The following KRT83 variants were observed in gnomAD, a reference collection of about 807,000 sequenced individuals.
KRT83 encodes keratin 83.
A neutral mutation model predicts 52.9 loss-of-function variants in KRT83; 51 were observed. The ratio of observed to expected loss-of-function variants is 0.96; its 90% CI spans 0.77 to 1.22. The LOEUF is 1.22. KRT83 is among the 50% of genes most tolerant of loss of function. The pLI, the probability that KRT83 is intolerant of heterozygous loss-of-function variation, is 0.00. For synonymous variants in KRT83, 278 were observed against 274.1 expected (o/e 1.01, Z -0.14); for missense variants, 654 against 666.5 (o/e 0.98, Z 0.21).
At position 52,314,457 on chromosome 12, in the gene KRT83, G is replaced by A. The variant is rs2852456; in HGVS notation, c.*174C>T. 0.66 allele frequency: 456,258 copies of A among 687,802 alleles called. 152,949 individuals carry two copies. Among genetic ancestry groups the A allele is most frequent in the African/African-American group, 0.85 (48,476 of 56,916 alleles). The allele number at this position is 687,802 out of a possible 1,614,324, so 42.6% of individuals were successfully genotyped here. A position where few individuals can be genotyped will look rare whatever the true frequency, so the allele number is the denominator to read the frequency against. The stretch of plus-strand genomic sequence containing the variant: ...GAATGGGTCTATTCCCCAGCCACAG[G>A]CCCCTTTCCAGTGGGATGAAAGGTG... On this transcript the variant is annotated 3_prime_UTR_variant, in exon 9 of 9. Transcript: ENST00000293670.
Position 52,321,010 on chromosome 12 carries a change from T to C in KRT83, c.326A>G (p.Gln109Arg). ...GGACTTGATCTGCTCCTTCTCCTCC[T>C]GCTTCACGCACTGCGCGTTGGGGTC... Reference protein sequence around the residue: ...EIDPNAQCVKQEEKEQIKSLN... With the variant: ...EIDPNAQCVKREEKEQIKSLN... Residue 109 changes from glutamine (Q) to arginine (R), a missense_variant, in exon 1 of 9, where the codon CAG becomes CGG. Transcript: ENST00000293670. 2 of 1,613,532 alleles carry C rather than the reference T, an allele frequency of 1.2e-6. No homozygotes were observed. Among genetic ancestry groups the C allele is most frequent in the Non-Finnish European group, 1.7e-6 (2 of 1,179,872 alleles).
chr12:52,316,719 C>A, intron 5 of KRT83, 126 bp from the exon 6 acceptor site: 34 of 1,589,896 alleles, frequency 2.1e-5, no homozygotes, highest in Non-Finnish European at 2.8e-5. Context: ...TCCTGCCCTG[C>A]CACCCCAACA....
At position 52,316,900 on chromosome 12, in the gene KRT83, TG is replaced by T; in HGVS notation, c.873del (p.Thr292ProfsTer18). Reference sequence around the variant, plus strand: ...GACTCGGCCTCAGCCCGGCTACGGGTGGCAATGTCATCATACTGTGCCTTGA... The same window carrying T: ...GACTCGGCCTCAGCCCGGCTACGGGTGCAATGTCATCATACTGTGCCTTGA... ...AEIKAQYDDIATRSRAEAESW... is the reference protein window; with the variant it reads ...AEIKAQYDDIXTRSRAEAESW... On this transcript the variant is annotated frameshift_variant, in exon 5 of 9. Coordinates refer to ENST00000293670, the MANE Select transcript of KRT83 (RefSeq NM_002282.3). LOFTEE classifies it high-confidence loss of function. 1 of 1,614,164 alleles carries T rather than the reference TG, an allele frequency of 6.2e-7. No homozygotes were observed. Among genetic ancestry groups the T allele is most frequent in the South Asian group, 1.1e-5 (1 of 91,080 alleles).
intron 5 of KRT83, 41 bp from the exon 6 acceptor site, chr12:52,316,634 A>G: frequency 6.2e-7 from 1 of 1,614,112 alleles, no homozygotes; most frequent in Non-Finnish European, 8.5e-7. Context: ...AGGATGAGAC[A>G]TCCCATTCAT....
intron 3 of KRT83, 55 bp from the exon 4 acceptor site, chr12:52,317,831 C>T: frequency 6.2e-7 from 1 of 1,611,806 alleles, no homozygotes; most frequent in Admixed American, 1.7e-5. Context: ...GCTCTGAGGA[C>T]CTGGCTGCCA....
intron 3 of KRT83, 29 bp from the exon 4 acceptor site, chr12:52,317,805 CG>C: frequency 6.2e-7 from 1 of 1,613,288 alleles, no homozygotes. Context: ...GCTGTGAGGC[CG>C]GCTTTCCTCA....
intron 5 of KRT83, 86 bp from the exon 6 acceptor site, chr12:52,316,679 G>A (rs1431420600): frequency 1.2e-5 from 20 of 1,602,356 alleles, no homozygotes; most frequent in Non-Finnish European, 1.7e-5. Context: ...AGATTGTGCA[G>A]TGCTCGGCCT....
Position 52,314,651 on chromosome 12 carries a change from A to G in KRT83, c.1462T>C (p.Cys488Arg), listed in dbSNP as rs1938658030. ...QLNTTCGGGS[C>R]GQGRH is the part of the protein sequence containing the mutation. The stretch of plus-strand genomic sequence containing the variant: ...GCCACTTAATGCCTCCCCTGGCCGC[A>G]GGAGCCCCCTCCACAGGTGGTGTTC... The change falls in exon 9 of 9, where the codon TGC (cysteine) becomes CGC (arginine). Residue 488 changes from cysteine to arginine, a missense_variant. Coordinates refer to ENST00000293670, the MANE Select transcript of KRT83 (RefSeq NM_002282.3). The G allele has an allele frequency of 3.2e-6, 5 of 1,572,684 alleles. No homozygotes were observed. Among genetic ancestry groups the G allele is most frequent in the Non-Finnish European group, 4.3e-6 (5 of 1,159,088 alleles).
Position 52,314,715 on chromosome 12 carries a change from C to G in KRT83, c.1398G>C (p.Leu466=). Residue 466 remains leucine (L), a synonymous_variant, in exon 9 of 9, where the codon CTG becomes CTC. Coordinates refer to ENST00000293670, the MANE Select transcript of KRT83 (RefSeq NM_002282.3). ...GCTTGCACAAACCAGTGCTCACCAC[C>G]AGGTTCCCGTTGCAGGGGGCACTGC... ...SVCSAPCNGN[L]VVSTGLCKPC... 2 of 1,587,458 alleles carry G rather than the reference C, an allele frequency of 1.3e-6. No individual in the cohort carries two copies. The highest frequency in any genetic ancestry group is 1.7e-6 in the Non-Finnish European group (2 of 1,167,090).
rs752994861 is a variant in KRT83, at chr12:52,321,081, G to A, written c.255C>T (p.Thr85=). ...VCGPSPPCIT[T]VSVNESLLTP... is the part of the protein sequence containing the mutation. ...TGAGGAGGCTCTCGTTGACCGACAC[G>A]GTGGTGATGCATGGGGGGCTGGGTC... Residue 85 remains threonine (T), a synonymous_variant, in exon 1 of 9, where the codon ACC becomes ACT. Transcript: ENST00000293670. 5 of 1,612,236 alleles carry A rather than the reference G, an allele frequency of 3.1e-6. No homozygotes were observed. The Admixed American group carries it at 5.0e-5, about 16-fold the overall frequency.
In KRT83 at chr12:52,316,917, T is replaced by C. The variant is rs1484171476; in HGVS notation, c.857A>G (p.Gln286Arg). ...MDCIVAEIKA[Q>R]YDDIATRSRA... ...GCTACGGGTGGCAATGTCATCATAC[T>C]GTGCCTTGATCTCGGCAACGATGCA... The change falls in exon 5 of 9, where the codon CAG (glutamine) becomes CGG (arginine). Residue 286 changes from glutamine to arginine, a missense_variant. Physicochemically the swap from Gln to Arg is conservative, Grantham distance 43 (BLOSUM62 1). Coordinates refer to ENST00000293670, the MANE Select transcript of KRT83 (RefSeq NM_002282.3). The C allele has an allele frequency of 6.2e-7, 1 of 1,614,228 alleles. No individual in the cohort carries two copies. The highest frequency in any genetic ancestry group is 8.5e-7 in the Non-Finnish European group (1 of 1,180,038).
At chr12:52,319,674 C>T (rs910488056) in intron 1 of KRT83, among the ~76,000 whole-genome samples, 1 of 152,112 alleles carries the variant, frequency 6.6e-6, no homozygotes, top group Admixed American at 6.5e-5. Context: ...TGTAGAGTGG[C>T]GAGGTTAAAG....
chr12:52,321,273 A>G lies in KRT83; in HGVS notation c.63T>C (p.Ser21=). ...AGCGGCTTGGCCGGGGCCCGCAGGC[A>G]GAGACACAGCTGAAGTTTCCAGGGC... ...GFRPGNFSCV[S]ACGPRPSRCC... The change falls in exon 1 of 9, where the codon TCT becomes TCC. Residue 21 remains serine (S), a synonymous_variant. Coordinates refer to ENST00000293670, the MANE Select transcript of KRT83 (RefSeq NM_002282.3). The G allele has an allele frequency of 1.9e-6, 3 of 1,613,598 alleles. No individual in the cohort carries two copies. The highest frequency in any genetic ancestry group is 2.2e-5 in the East Asian group (1 of 44,882).
Position 52,321,299 on chromosome 12 carries a change from G to A in KRT83, c.37C>T (p.Arg13Cys), listed in dbSNP as rs749987201. The A allele has an allele frequency of 1.2e-6, 2 of 1,613,658 alleles. No individual in the cohort carries two copies. The highest frequency in any genetic ancestry group is 2.2e-5 in the East Asian group (1 of 44,884). ...CGFNSIGCGF[R>C]PGNFSCVSAC... ...GAGACACAGCTGAAGTTTCCAGGGC[G>A]GAACCCACAGCCTATGGAGTTGAAG... is the stretch of plus-strand genomic sequence containing the variant. The change falls in exon 1 of 9, where the codon CGC becomes TGC. Residue 13 changes from arginine to cysteine, a missense_variant. Arg to Cys is a radical substitution (Grantham distance 180). Transcript: ENST00000293670.
chr12:52,321,232 G>T lies in KRT83; in HGVS notation c.104C>A (p.Ala35Asp), dbSNP rs1025233131. Residue 35 changes from alanine (A) to aspartate (D), a missense_variant, in exon 1 of 9, where the codon GCC becomes GAC. Ala to Asp is a moderately radical substitution (Grantham distance 126). Transcript: ENST00000293670. ...GTAGCAGGAGATGCCGCGGTAGGGGGCGGCGGTGATGCAGCAGCGGCTTGG... is the reference window on the plus strand; with the variant it reads ...GTAGCAGGAGATGCCGCGGTAGGGGTCGGCGGTGATGCAGCAGCGGCTTGG... ...PRPSRCCITA[A>D]PYRGISCYRG... 3.1e-6 allele frequency: 5 copies of T among 1,613,464 alleles called. No individual in the cohort carries two copies. In the African/African-American group the frequency reaches 6.7e-5, roughly 22 times the overall value.
chr12:52,321,068 C>G lies in KRT83; in HGVS notation c.268G>C (p.Glu90Gln), dbSNP rs374309148. The G allele has an allele frequency of 5.0e-6, 8 of 1,612,444 alleles. No homozygotes were observed. The highest frequency in any genetic ancestry group is 1.7e-5 in the Admixed American group (1 of 60,028). ...PPCITTVSVN[E>Q]SLLTPLNLEI... ...AGGTTGAGGGGCGTGAGGAGGCTCTCGTTGACCGACACGGTGGTGATGCAT... is the reference window on the plus strand; with the variant it reads ...AGGTTGAGGGGCGTGAGGAGGCTCTGGTTGACCGACACGGTGGTGATGCAT... The change falls in exon 1 of 9, where the codon GAG becomes CAG. Residue 90 changes from glutamate (E) to glutamine (Q), a missense_variant. By Grantham distance (29) the Glu-to-Gln change is conservative. Coordinates refer to ENST00000293670, the MANE Select transcript of KRT83 (RefSeq NM_002282.3).
chr12:52,318,239 G>A lies in KRT83; in HGVS notation c.594-269C>T, dbSNP rs376883257. Among the ~76,000 whole-genome samples, 5 of 152,016 alleles carry A rather than the reference G, an allele frequency of 3.3e-5. No individual in the cohort carries two copies. In the South Asian group the frequency reaches 1.0e-3, roughly 32 times the overall value. Reference sequence around the variant, plus strand: ...CGCCCAGGTTGGAGCACAGTGGCGCGGTCTCGGCTCACTGCAAGCTCCGCC... The same window carrying A: ...CGCCCAGGTTGGAGCACAGTGGCGCAGTCTCGGCTCACTGCAAGCTCCGCC... On this transcript the variant is annotated intron_variant, in intron 2 of 8. Transcript: ENST00000293670.
rs1592446297 is a variant in KRT83 at position 52,316,194 on chromosome 12, C to G, written c.1042-81G>C. The stretch of plus-strand genomic sequence containing the variant: ...CCAGCCAGTCTCCAATAGGATCATT[C>G]AACTTCTATCTTAAAATATTATCTC... On this transcript the variant is annotated intron_variant, in intron 6 of 8. Transcript: ENST00000293670. 2.6e-6 allele frequency: 4 copies of G among 1,546,994 alleles called. No individual in the cohort carries two copies. In the East Asian group the frequency reaches 9.5e-5, roughly 37 times the overall value.
At position 52,316,962 on chromosome 12, in the gene KRT83, CT is replaced by C. The variant is rs753293188; in HGVS notation, c.811del (p.Ser271AlafsTer4). On this transcript the variant is annotated frameshift_variant, in exon 5 of 9. Transcript: ENST00000293670. LOFTEE classifies it high-confidence loss of function. The part of the protein sequence containing the change: ...DTSVVVKLDN[S>X]RDLNMDCIVA... Reference sequence around the variant, plus strand: ...GATGCAGTCCATGTTCAGGTCCCGGCTGTTGTCCAGCTTGACAACCACGGAG... The same window carrying C: ...GATGCAGTCCATGTTCAGGTCCCGGCGTTGTCCAGCTTGACAACCACGGAG... The C allele has an allele frequency of 9.5e-5, 154 of 1,614,230 alleles. 1 individual carries two copies. In the South Asian group the frequency reaches 1.6e-3, roughly 17 times the overall value.
Sources: gnomAD v4.1 joint callset for allele counts (sites outside exome capture counted in the v4.1 genomes callset) on GRCh38, gnomAD v4.1.1 for gene constraint, MANE v1.5 for transcripts, NCBI Gene and HGNC (gene_info 2026-07-23, HGNC 2026-07-21) for gene names.